SYDE2: variants seen among roughly 807,000 people sequenced by gnomAD.
SYDE2 encodes the protein synapse defective Rho GTPase homolog 2, also known as rho GTPase-activating protein SYDE2.
Under a neutral mutation model 91.5 loss-of-function variants are expected in SYDE2, and 76 were observed. The observed-to-expected ratio is 0.83, with a 90% confidence interval of 0.69 to 1.01. SYDE2 has a LOEUF of 1.01. Among genes scored for constraint, SYDE2 ranks in the 50% least tolerant of loss-of-function variants. The pLI is 0.00. For synonymous variants in SYDE2, 513 were observed against 506.4 expected (o/e 1.01, Z -0.18); for missense variants, 1,364 against 1,367.7 (o/e 1.00, Z 0.04).
In SYDE2 at chr1:85,182,506, G is replaced by A; in HGVS notation, c.2136C>T (p.Asn712=). The A allele has an allele frequency of 6.2e-7, 1 of 1,613,806 alleles. No homozygotes were observed. The highest frequency in any genetic ancestry group is 8.5e-7 in the Non-Finnish European group (1 of 1,179,814). Residue 712 remains asparagine (N), a synonymous_variant, in exon 3 of 7, where the codon AAC becomes AAT. Coordinates refer to ENST00000341460, the MANE Select transcript of SYDE2 (RefSeq NM_032184.2). ...VFCAIQVDSV[N]KARTALLTCR... The stretch of plus-strand genomic sequence containing the variant: ...ATGTGAGCAAAGCTGTTCTTGCTTT[G>A]TTTACTGAATCTACCTGAATTGCAC...
intron 6 of SYDE2, chr1:85,161,105 C>G (rs1331290236): frequency 1.0e-6 from 1 of 985,186 alleles, no homozygotes; most frequent in African/African-American, 1.7e-5. Flanking sequence ...TCACTGTTGA[C>G]TACCCACCTT....
At chr1:85,160,244 G>A (rs1657011094) in intron 6 of SYDE2, 7 of 964,380 alleles carry the variant, frequency 7.3e-6, no homozygotes, top group Non-Finnish European at 8.6e-6. Flanking sequence ...ATGAATGCTT[G>A]TTTGCTGTTG....
Position 85,190,235 on chromosome 1 carries a change from G to A in SYDE2, c.1263C>T (p.Asp421=), listed in dbSNP as rs988451538. The A allele has an allele frequency of 1.2e-6, 2 of 1,613,770 alleles. No homozygotes were observed. The highest frequency in any genetic ancestry group is 2.7e-5 in the African/African-American group (2 of 74,886). Residue 421 remains aspartate, a synonymous_variant, in exon 2 of 7, where the codon GAC becomes GAT. Coordinates refer to ENST00000341460, the MANE Select transcript of SYDE2 (RefSeq NM_032184.2). ...DLMKAERHTE[D]SLCSSEHAGD... ...CTGCATGTTCGGAAGAGCACAGTGA[G>A]TCTTCAGTATGCCGCTCTGCTTTCA...
chr1:85,182,815 A>G lies in SYDE2; in HGVS notation c.1827T>C (p.Ser609=). The G allele has an allele frequency of 6.2e-7, 1 of 1,613,948 alleles. No individual in the cohort carries two copies. The highest frequency in any genetic ancestry group is 2.2e-5 in the East Asian group (1 of 44,874). The change falls in exon 3 of 7, where the codon TCT becomes TCC. Residue 609 remains serine, a synonymous_variant. Coordinates refer to ENST00000341460, the MANE Select transcript of SYDE2 (RefSeq NM_032184.2). The stretch of plus-strand genomic sequence containing the variant: ...CTTTGCAGGAATACTTAGAACTCAT[A>G]GAGTTTTTCTTCTGGTAGCTCTGCT... ...SSQQSYQKKN[S]MSSKYSCKGG...
rs369704443 is a variant in SYDE2 at position 85,159,077 on chromosome 1, A to G, written c.3258T>C (p.Asn1086=). 1.2e-5 allele frequency: 9 copies of G among 780,746 alleles called. No individual in the cohort carries two copies. The highest frequency in any genetic ancestry group is 3.4e-5 in the African/African-American group (2 of 59,142). 48.4% of individuals were successfully genotyped at this position (780,746 alleles called of 1,614,324 possible). A position where few individuals can be genotyped will look rare whatever the true frequency, so the allele number is the denominator to read the frequency against. The change falls in exon 7 of 7, where the codon AAT becomes AAC. Residue 1086 remains asparagine (N), a synonymous_variant. Transcript: ENST00000341460. ...AGCTGCTCCAGTCTCCTGCATAACG[A>G]TTGCTAAGTGGACTGTCTAATCGGT... ...RQNRLDSPLS[N]RYAGDWSSCG... is the part of the protein sequence containing the mutation.
chr1:85,194,066 TATAA>T (rs1658481229), intron 1 of SYDE2, among the ~76,000 whole-genome samples: 1 of 152,000 alleles, frequency 6.6e-6, no homozygotes, highest in Non-Finnish European at 1.5e-5. Flanking sequence ...TATTGTGTAT[TATAA>T]ATATATAATA....
intron 6 of SYDE2, among the ~76,000 whole-genome samples, chr1:85,163,481 A>ATATATATATATATATATAT (rs1657152403): frequency 4.3e-5 from 6 of 138,166 alleles, no homozygotes; most frequent in Non-Finnish European, 9.3e-5. Flanking sequence ...ATATATATAT[A>ATATATATATATATATATAT]ACAAAAGAGT....
chr1:85,177,938 T>C (rs1657765757), intron 4 of SYDE2, among the ~76,000 whole-genome samples: 1 of 152,196 alleles, frequency 6.6e-6, no homozygotes, highest in Non-Finnish European at 1.5e-5. Flanking sequence ...TAGGTCTTAC[T>C]TCCCTTCATC....
chr1:85,201,002 G>A lies in SYDE2; in HGVS notation c.-6C>T. On this transcript the variant is annotated 5_prime_UTR_variant, in exon 1 of 7. Transcript: ENST00000341460. ...TCAGGGGGCAGGTCGTGCATGGCCT[G>A]GATCAGCAGATAATAGGCCTCTCGC... 7.7e-7 allele frequency: 1 copy of A among 1,292,598 alleles called. No homozygotes were observed. The highest frequency in any genetic ancestry group is 9.7e-7 in the Non-Finnish European group (1 of 1,027,042). 80.1% of individuals were successfully genotyped at this position (1,292,598 alleles called of 1,614,324 possible). A position where few individuals can be genotyped will look rare whatever the true frequency, so the allele number is the denominator to read the frequency against.
At chr1:85,198,826 A>G (rs187775801) in intron 1 of SYDE2, among the ~76,000 whole-genome samples, 84 of 152,186 alleles carry the variant, frequency 5.5e-4, no homozygotes, top group Admixed American at 2.0e-3. Context: ...AGGTAAAAAT[A>G]TTGTGGCAAT....
In SYDE2 at chr1:85,200,788, CGCG is replaced by C. The variant is rs991559698; in HGVS notation, c.206_208del (p.Pro69del). ...CCGAGGAGTCCGCAGCTGGCCTCCC[CGCG>C]GCTCCCTCTGAGGCGACCGGGGCGG... is the stretch of plus-strand genomic sequence containing the variant. On this transcript the variant is annotated inframe_deletion, in exon 1 of 7. Transcript: ENST00000341460. 2.0e-6 allele frequency: 3 copies of C among 1,513,060 alleles called. No individual in the cohort carries two copies. The highest frequency in any genetic ancestry group is 2.6e-6 in the Non-Finnish European group (3 of 1,136,838). 93.7% of individuals were successfully genotyped at this position (1,513,060 alleles called of 1,614,324 possible). A position where few individuals can be genotyped will look rare whatever the true frequency, so the allele number is the denominator to read the frequency against.
chr1:85,169,486 T>G (rs1375169629), intron 4 of SYDE2, among the ~76,000 whole-genome samples: 1 of 152,214 alleles, frequency 6.6e-6, no homozygotes, highest in Non-Finnish European at 1.5e-5. Flanking sequence ...AATCATAAAG[T>G]AAGCTATTCT....
chr1:85,182,495 G>T lies in SYDE2; in HGVS notation c.2147C>A (p.Thr716Lys). Residue 716 changes from threonine (T) to lysine (K), a missense_variant, in exon 3 of 7, where the codon ACA becomes AAA. Coordinates refer to ENST00000341460, the MANE Select transcript of SYDE2 (RefSeq NM_032184.2). The stretch of plus-strand genomic sequence containing the variant: ...TGTTGTTCGGCATGTGAGCAAAGCT[G>T]TTCTTGCTTTGTTTACTGAATCTAC... ...IQVDSVNKAR[T>K]ALLTCRTTFL... The T allele has an allele frequency of 6.2e-7, 1 of 1,613,780 alleles. No individual in the cohort carries two copies. The highest frequency in any genetic ancestry group is 2.2e-5 in the East Asian group (1 of 44,872).
In SYDE2 at chr1:85,158,601, AGT is replaced by A. The variant is rs1656943907; in HGVS notation, c.*147_*148del. On this transcript the variant is annotated 3_prime_UTR_variant, in exon 7 of 7. Coordinates refer to ENST00000341460, the MANE Select transcript of SYDE2 (RefSeq NM_032184.2). ...ATAAGTAAAAATTGTATTAATGAATAGTGTTTTTAATTGAATCAGATAAACTT... is the reference window on the plus strand; with the variant it reads ...ATAAGTAAAAATTGTATTAATGAATAGTTTTTAATTGAATCAGATAAACTT... The A allele has an allele frequency of 1.3e-5, 7 of 534,278 alleles. No individual in the cohort carries two copies. In the Admixed American group the frequency reaches 1.9e-4, roughly 14 times the overall value. The allele number at this position is 534,278 out of a possible 1,614,324, so 33.1% of individuals were successfully genotyped here.
intron 4 of SYDE2, among the ~76,000 whole-genome samples, chr1:85,170,678 C>A (rs1386803190): frequency 6.6e-6 from 1 of 152,194 alleles, no homozygotes; most frequent in African/African-American, 2.4e-5. Context: ...AAGAAACCTG[C>A]ATATGCTATT....
chr1:85,169,277 A>G (rs1191784073), intron 4 of SYDE2, 52 bp from the exon 5 acceptor site: 1 of 1,431,574 alleles, frequency 7.0e-7, no homozygotes, highest in Non-Finnish European at 9.4e-7. Context: ...GAGTGAAATA[A>G]AGAACTATGG....
At chr1:85,165,887 T>C (rs1210228326) in intron 5 of SYDE2, among the ~76,000 whole-genome samples, 1 of 105,508 alleles carries the variant, frequency 9.5e-6, no homozygotes, top group Admixed American at 1.0e-4. Context: ...TTTTTTTTTT[T>C]TTTGGAGACA....
intron 6 of SYDE2, among the ~76,000 whole-genome samples, 185 bp from the exon 7 acceptor site, chr1:85,159,434 T>C (rs975822887): frequency 1.3e-5 from 2 of 152,200 alleles, no homozygotes; most frequent in African/African-American, 4.8e-5. Context: ...AGATTAAGGA[T>C]AGAAGCAGTA....
chr1:85,190,606 G>A lies in SYDE2; in HGVS notation c.892C>T (p.Pro298Ser). 6.2e-7 allele frequency: 1 copy of A among 1,613,868 alleles called. No homozygotes were observed. Among genetic ancestry groups the A allele is most frequent in the Non-Finnish European group, 8.5e-7 (1 of 1,179,856 alleles). The change falls in exon 2 of 7, where the codon CCT becomes TCT. Residue 298 changes from proline to serine, a missense_variant. Physicochemically the swap from Pro to Ser is moderately conservative, Grantham distance 74 (BLOSUM62 -1). Coordinates refer to ENST00000341460, the MANE Select transcript of SYDE2 (RefSeq NM_032184.2). Reference protein sequence around the residue: ...RNWLYQSTLRPLNLEEENKKC... With the variant: ...RNWLYQSTLRSLNLEEENKKC... The stretch of plus-strand genomic sequence containing the variant: ...TTATTTTCTTCTTCCAGATTAAGAG[G>A]CCTCAGAGTACTCTGATATAGCCAA...
Sources: allele counts gnomAD v4.1 joint callset (sites outside exome capture counted in the v4.1 genomes callset), GRCh38; gene constraint gnomAD v4.1.1; transcripts MANE v1.5; gene names NCBI Gene and HGNC (gene_info 2026-07-23, HGNC 2026-07-21).